PADI6: variants seen among roughly 807,000 people sequenced by gnomAD.
PADI6 encodes the protein inactive protein-arginine deiminase type-6.
In PADI6, 66 loss-of-function variants were observed where a neutral mutation model predicts 78.2. That is an observed-to-expected ratio of 0.84 (90% CI 0.69 to 1.04). The LOEUF is 1.04. Ranked by LOEUF, PADI6 falls within the 50% of genes least tolerant of loss-of-function variation. The pLI, the probability that PADI6 is intolerant of heterozygous loss-of-function variation, is 0.00. For synonymous variants in PADI6, 397 were observed against 346.9 expected (o/e 1.14, Z -1.60); for missense variants, 854 against 866.1 (o/e 0.99, Z 0.18).
At position 17,397,078 on chromosome 1, in the gene PADI6, A is replaced by G. The variant is rs1211911062; in HGVS notation, c.1626A>G (p.Glu542=). 3.7e-6 allele frequency: 6 copies of G among 1,613,580 alleles called. 1 individual carries two copies. The highest frequency in any genetic ancestry group is 1.6e-4 in the Middle Eastern group (1 of 6,078). ...RADQLLSNGR[E]AKTIDQLLAD... is the part of the protein sequence containing the mutation. ...GCCCGCTTCTTCCTACAGGAAGGGA[A>G]GCCAAAACCATCGACCAACTTCTGG... The change falls in exon 14 of 16, where the codon GAA becomes GAG. Residue 542 remains glutamate (E), a synonymous_variant. Transcript: ENST00000619609.
intron 6 of PADI6, among the ~76,000 whole-genome samples, chr1:17,387,480 A>G (rs138026382): frequency 0.029 from 4,417 of 150,892 alleles, 239 homozygotes; most frequent in African/African-American, 0.1. Context: ...CAGGCGTGGT[A>G]GCTCACACCT....
At chr1:17,376,642 C>A (rs1013473182) in intron 3 of PADI6, among the ~76,000 whole-genome samples, 1 of 151,908 alleles carries the variant, frequency 6.6e-6, no homozygotes, top group Non-Finnish European at 1.5e-5. Flanking sequence ...TCGTGATCCG[C>A]CCACCTCAGC....
rs1570121948 is a variant in PADI6 at position 17,375,589 on chromosome 1, C to T, written c.367+90C>T. On this transcript the variant is annotated intron_variant, in intron 3 of 15. Coordinates refer to ENST00000619609, the MANE Select transcript of PADI6 (RefSeq NM_207421.4). The stretch of plus-strand genomic sequence containing the variant: ...ATTGTAGGAGGAGCCAAAAAAGATT[C>T]TCCAGGTAACAAGATGCCTCCTGTG... 5.0e-6 allele frequency: 6 copies of T among 1,204,920 alleles called. No homozygotes were observed. The East Asian group carries it at 1.5e-4, about 31-fold the overall frequency. 74.6% of individuals were successfully genotyped at this position (1,204,920 alleles called of 1,614,324 possible). A position where few individuals can be genotyped will look rare whatever the true frequency, so the allele number is the denominator to read the frequency against.
At chr1:17,383,073 G>T (rs898797126) in intron 6 of PADI6, among the ~76,000 whole-genome samples, 4 of 152,188 alleles carry the variant, frequency 2.6e-5, no homozygotes, top group Admixed American at 6.5e-5. Flanking sequence ...GTGAGCTACT[G>T]CACCCGGCCC....
rs2075223257 is a variant in PADI6, at chr1:17,394,289, C to G, written c.1183-11C>G. The G allele has an allele frequency of 1.9e-6, 3 of 1,610,498 alleles. No homozygotes were observed. Among genetic ancestry groups the G allele is most frequent in the African/African-American group, 1.3e-5 (1 of 74,976 alleles). ...ACTAACACCCCTTCCCTGGCTCGGT[C>G]TCTCCCCCAGAGCCCTGGTATTGGC... On this transcript the variant is annotated splice_polypyrimidine_tract_variant and intron_variant, in intron 10 of 15. Coordinates refer to ENST00000619609, the MANE Select transcript of PADI6 (RefSeq NM_207421.4).
intron 10 of PADI6, 52 bp from the exon 11 acceptor site, chr1:17,394,248 C>A: frequency 6.3e-7 from 1 of 1,599,460 alleles, no homozygotes. Context: ...AAGACTGGGG[C>A]CTAAAGCCAT....
chr1:17,388,803 A>C lies in PADI6; in HGVS notation c.885A>C (p.Lys295Asn). The C allele has an allele frequency of 6.2e-7, 1 of 1,613,766 alleles. No homozygotes were observed. The highest frequency in any genetic ancestry group is 8.5e-7 in the Non-Finnish European group (1 of 1,179,820). ...DPSIPETVLY[K>N]DTVVFRVAPC... is the part of the protein sequence containing the mutation. ...CAATTCCAGAGACTGTGCTGTACAA[A>C]GACACGGTGGTGTTCCGGGTGGCTC... Residue 295 changes from lysine (K) to asparagine (N), a missense_variant, in exon 8 of 16, where the codon AAA (lysine) becomes AAC (asparagine). Physicochemically the swap from Lys to Asn is moderately conservative, Grantham distance 94. Coordinates refer to ENST00000619609, the MANE Select transcript of PADI6 (RefSeq NM_207421.4).
intron 13 of PADI6, among the ~76,000 whole-genome samples, chr1:17,396,429 T>C (rs1008689169): frequency 6.6e-6 from 1 of 151,702 alleles, no homozygotes; most frequent in African/African-American, 2.4e-5. Flanking sequence ...GGGCTGGGGG[T>C]ATTAGGTTTT....
rs543766470 is a variant in PADI6 at position 17,381,900 on chromosome 1, T to C, written c.554-67T>C. 175 of 1,597,132 alleles carry C rather than the reference T, an allele frequency of 1.1e-4. No homozygotes were observed. In the African/African-American group the frequency reaches 2.2e-3, roughly 20 times the overall value. ...CAAACTCCCGGCCCCTCTCTACTGC[T>C]CTTCCCTCCACCCCCAGAGTGCTGG... is the stretch of plus-strand genomic sequence containing the variant. On this transcript the variant is annotated intron_variant, in intron 5 of 15. Transcript: ENST00000619609.
At chr1:17,372,848 C>T (rs1402910823) in intron 1 of PADI6, among the ~76,000 whole-genome samples, 6 of 150,918 alleles carry the variant, frequency 4.0e-5, no homozygotes, top group South Asian at 2.1e-4. Context: ...GTGTCGGTAG[C>T]GGGATGGGGT....
intron 14 of PADI6, among the ~76,000 whole-genome samples, chr1:17,397,812 T>C (rs1468283984): frequency 6.6e-6 from 1 of 152,140 alleles, no homozygotes; most frequent in Admixed American, 6.5e-5. Flanking sequence ...CATGTGTTGC[T>C]CATTATACTC....
chr1:17,372,315 C>CA lies in PADI6; in HGVS notation c.71dup (p.His24GlnfsTer44). ...CCACCTGTCCCTGGACAGCCCTGTC[C>CA]ATGCCGTTTGTGTGTTGGGCACAGA... is the stretch of plus-strand genomic sequence containing the variant. On this transcript the variant is annotated frameshift_variant, in exon 1 of 16. Coordinates refer to ENST00000619609, the MANE Select transcript of PADI6 (RefSeq NM_207421.4). LOFTEE classifies it high-confidence loss of function. 1.2e-6 allele frequency: 2 copies of CA among 1,613,996 alleles called. No individual in the cohort carries two copies. Among genetic ancestry groups the CA allele is most frequent in the South Asian group, 2.2e-5 (2 of 91,088 alleles).
chr1:17,383,966 T>C (rs183602878), intron 6 of PADI6, among the ~76,000 whole-genome samples: 1 of 151,260 alleles, frequency 6.6e-6, no homozygotes, highest in East Asian at 2.0e-4. Flanking sequence ...CCGGCCAACA[T>C]GGCAAAACCA....
rs201058463 is a variant in PADI6 at position 17,401,315 on chromosome 1, G to C, written c.1962G>C (p.Leu654=). ...EEKICCLLEP[L]GFKCTFINDF... ...AGATTTGCTGCTTGCTGGAGCCCCT[G>C]GGCTTCAAGTGCACCTTCATCAATG... Residue 654 remains leucine, a synonymous_variant, in exon 16 of 16, where the codon CTG becomes CTC. Coordinates refer to ENST00000619609, the MANE Select transcript of PADI6 (RefSeq NM_207421.4). 3.1e-5 allele frequency: 50 copies of C among 1,613,966 alleles called. No individual in the cohort carries two copies. In the African/African-American group the frequency reaches 6.3e-4, roughly 20 times the overall value.
At chr1:17,401,099 GCTGC>G in intron 15 of PADI6, 102 bp from the exon 16 acceptor site, 3 of 988,014 alleles carry the variant, frequency 3.0e-6, no homozygotes, top group Non-Finnish European at 4.5e-6. Flanking sequence ...GGAGGAGGCG[GCTGC>G]CTGCCTGCTA....
chr1:17,372,568 T>C (rs970679604), intron 1 of PADI6, among the ~76,000 whole-genome samples: 4 of 152,174 alleles, frequency 2.6e-5, no homozygotes, highest in Non-Finnish European at 4.4e-5. Context: ...CTGTAGCAGC[T>C]GCCATGGACT....
intron 11 of PADI6, among the ~76,000 whole-genome samples, chr1:17,394,662 T>A (rs1470524169): frequency 6.6e-6 from 1 of 152,146 alleles, no homozygotes; most frequent in East Asian, 1.9e-4. Flanking sequence ...CTGAAACAAG[T>A]GAAATTTGGT....
chr1:17,377,318 C>T (rs1306786425), intron 3 of PADI6, among the ~76,000 whole-genome samples: 1 of 152,116 alleles, frequency 6.6e-6, no homozygotes, highest in Non-Finnish European at 1.5e-5. Flanking sequence ...TTGAACGCTT[C>T]AGGGATGTTC....
At chr1:17,381,281 C>T (rs2075070652) in intron 5 of PADI6, 117 bp downstream of exon 5, 2 of 807,434 alleles carry the variant, frequency 2.5e-6, no homozygotes, top group South Asian at 1.8e-5. Context: ...CTTCCCCAGT[C>T]CCCATGCCTG....
Sources: allele counts gnomAD v4.1 joint callset (sites outside exome capture counted in the v4.1 genomes callset), GRCh38; gene constraint gnomAD v4.1.1; transcripts MANE v1.5; gene names NCBI Gene and HGNC (gene_info 2026-07-23, HGNC 2026-07-21).